Variants in HS6ST2 observed in about 807,000 individuals in gnomAD.
HS6ST2 encodes heparan sulfate 6-O-sulfotransferase 2.
A neutral mutation model predicts 33.0 loss-of-function variants in HS6ST2; 17 were observed. That is an observed-to-expected ratio of 0.52 (90% CI 0.35 to 0.77). The LOEUF (loss-of-function observed/expected upper bound fraction) is 0.77, where lower values mean the gene tolerates loss of function less well. Among genes scored for constraint, HS6ST2 ranks in the 30% least tolerant of loss-of-function variants. HS6ST2 has a pLI of 0.01. For missense variants in HS6ST2, 519 were observed against 551.7 expected, an observed-to-expected ratio of 0.94 and a Z score of 0.59; for synonymous variants, 248 against 237.1, an observed-to-expected ratio of 1.05 and a Z score of -0.42.
intron 4 of HS6ST2, among the ~76,000 whole-genome samples, chrX:132,629,780 G>A (rs1005970531): frequency 8.9e-6 from 1 of 111,990 alleles, no homozygotes; most frequent in African/African-American, 3.2e-5. Flanking sequence ...GTTAGTCACT[G>A]ACTGAAATAG....
intron 2 of HS6ST2, among the ~76,000 whole-genome samples, chrX:132,913,003 T>A (rs1238995164): frequency 9.0e-6 from 1 of 110,841 alleles, no homozygotes; most frequent in Non-Finnish European, 1.9e-5. Context: ...CTTTTTTGAA[T>A]ACTCACAAAC....
intron 2 of HS6ST2, among the ~76,000 whole-genome samples, chrX:132,804,559 G>A (rs1232699001): frequency 4.5e-5 from 5 of 112,322 alleles, no homozygotes; most frequent in South Asian, 3.7e-4. Context: ...CAGCACTTTG[G>A]GAGGCTGAGG....
chrX:132,783,932 C>T (rs748836737), intron 2 of HS6ST2, among the ~76,000 whole-genome samples: 1 of 111,697 alleles, frequency 9.0e-6, no homozygotes, highest in South Asian at 3.8e-4. Context: ...GCAAGGGTTG[C>T]CAAAAATATT....
chrX:132,800,462 T>C (rs924935901), intron 2 of HS6ST2, among the ~76,000 whole-genome samples: 29 of 111,128 alleles, frequency 2.6e-4, no homozygotes, highest in African/African-American at 8.8e-4. Flanking sequence ...GCACAATAAA[T>C]GTAATGCACT....
intron 2 of HS6ST2, among the ~76,000 whole-genome samples, chrX:132,885,331 G>C (rs2066237743): frequency 9.0e-6 from 1 of 111,638 alleles, no homozygotes; most frequent in Admixed American, 9.6e-5. Flanking sequence ...GTACATCTTT[G>C]TGATTATACT....
Position 132,627,611 on chromosome X carries a change from A to T in HS6ST2, c.*612T>A, listed in dbSNP as rs1249444961. The T allele has an allele frequency of 1.8e-5, 2 of 112,688 alleles. No homozygotes were observed. The highest frequency in any genetic ancestry group is 3.8e-5 in the Non-Finnish European group (2 of 53,276). The allele number at this position is 112,688 out of a possible 1,213,427, so 9.3% of individuals were successfully genotyped here. On this transcript the variant is annotated 3_prime_UTR_variant, in exon 5 of 5. Coordinates refer to ENST00000370833, the MANE Select transcript of HS6ST2 (RefSeq NM_001394073.1). ...AACATCTCTTAAATATCAAGATATG[A>T]GTCCTGTTCTTGAAAAGCCAATATT...
chrX:132,851,948 C>A (rs2065806218), intron 2 of HS6ST2, among the ~76,000 whole-genome samples: 1 of 111,275 alleles, frequency 9.0e-6, no homozygotes, highest in Admixed American at 9.6e-5. Context: ...CCAGACCAGT[C>A]TGGGCAACAC....
In HS6ST2 at chrX:132,849,245, A is replaced by G. The variant is rs142203551; in HGVS notation, c.947+107563T>C. On this transcript the variant is annotated intron_variant, in intron 2 of 4. Coordinates refer to ENST00000370833, the MANE Select transcript of HS6ST2 (RefSeq NM_001394073.1). Reference sequence around the variant, plus strand: ...GCATATTAACTCTCCAGTCCCCCCAATGGCAATGCAAAGACACAGTCAAAA... The same window carrying G: ...GCATATTAACTCTCCAGTCCCCCCAGTGGCAATGCAAAGACACAGTCAAAA... Among the ~76,000 whole-genome samples the G allele has an allele frequency of 5.5e-3, 611 of 111,205 alleles. 3 individuals carry two copies. The highest frequency in any genetic ancestry group is 6.4e-3 in the Non-Finnish European group (338 of 53,065).
chrX:132,676,924 A>G (rs1457999130), intron 3 of HS6ST2, among the ~76,000 whole-genome samples: 1 of 112,434 alleles, frequency 8.9e-6, no homozygotes, highest in East Asian at 2.8e-4. Context: ...AGGGCAGATG[A>G]GAATGCAAAG....
At chrX:132,787,190 T>C (rs1181791322) in intron 2 of HS6ST2, among the ~76,000 whole-genome samples, 1 of 84,487 alleles carries the variant, frequency 1.2e-5, no homozygotes, top group Non-Finnish European at 2.2e-5. Context: ...TATATATACA[T>C]ATATATATAC....
At chrX:132,727,730 C>T (rs1389428595) in intron 2 of HS6ST2, among the ~76,000 whole-genome samples, 1 of 111,646 alleles carries the variant, frequency 9.0e-6, no homozygotes, top group African/African-American at 3.3e-5. Flanking sequence ...GCAGCTGTCA[C>T]CTCTATCTAG....
chrX:132,734,289 G>A (rs899816065), intron 2 of HS6ST2, among the ~76,000 whole-genome samples: 5 of 108,905 alleles, frequency 4.6e-5, no homozygotes, highest in Non-Finnish European at 9.5e-5. Flanking sequence ...TTTCTGATTG[G>A]TGGGTCTAGA....
chrX:132,766,893 A>G (rs2064853141), intron 2 of HS6ST2, among the ~76,000 whole-genome samples: 1 of 111,813 alleles, frequency 8.9e-6, no homozygotes, highest in Non-Finnish European at 1.9e-5. Flanking sequence ...TGCAGCAAAT[A>G]ATTATTGTAT....
chrX:132,943,710 A>G (rs1174054042), intron 2 of HS6ST2, among the ~76,000 whole-genome samples: 8 of 111,640 alleles, frequency 7.2e-5, no homozygotes, highest in South Asian at 3.8e-4. Context: ...CAACATACAC[A>G]AATCAATAAA....
chrX:132,957,634 G>A (rs2067098499), intron 1 of HS6ST2, among the ~76,000 whole-genome samples: 1 of 107,961 alleles, frequency 9.3e-6, no homozygotes, highest in African/African-American at 3.4e-5. Flanking sequence ...ACGGGGTTTA[G>A]CCCCAGTGGG....
chrX:132,702,921 G>A (rs995246506), intron 3 of HS6ST2, among the ~76,000 whole-genome samples: 4 of 111,944 alleles, frequency 3.6e-5, no homozygotes, highest in African/African-American at 1.3e-4. Context: ...CATATTGAAT[G>A]AATAAATCTA....
intron 3 of HS6ST2, among the ~76,000 whole-genome samples, chrX:132,677,047 G>C (rs2063928362): frequency 8.9e-6 from 1 of 112,124 alleles, no homozygotes; most frequent in Admixed American, 9.5e-5. Flanking sequence ...AGATCTGACA[G>C]CATTAGTTGA....
At chrX:132,960,624 C>CTG, upstream of HS6ST2, among the ~76,000 whole-genome samples, 1 of 110,950 alleles carries the variant, frequency 9.0e-6, no homozygotes, top group Middle Eastern at 4.7e-3. Flanking sequence ...GGTGTCCACA[C>CTG]ACCTGCACAC....
At chrX:132,847,411 T>C (rs951313445) in intron 2 of HS6ST2, among the ~76,000 whole-genome samples, 2 of 111,426 alleles carry the variant, frequency 1.8e-5, no homozygotes, top group African/African-American at 6.5e-5. Flanking sequence ...CATTGCCAAA[T>C]GTCCTGGGGA....
Sources: allele counts gnomAD v4.1 joint callset (sites outside exome capture counted in the v4.1 genomes callset), GRCh38; gene constraint gnomAD v4.1.1; transcripts MANE v1.5; gene names NCBI Gene and HGNC (gene_info 2026-07-23, HGNC 2026-07-21).